ARHGAP32: variants seen among roughly 807,000 people sequenced by gnomAD.
The protein encoded by ARHGAP32 is Rho GTPase activating protein 32.
Under a neutral mutation model 186.5 loss-of-function variants are expected in ARHGAP32, and 51 were observed. The ratio of observed to expected loss-of-function variants is 0.27; its 90% CI spans 0.22 to 0.35. The LOEUF is 0.35. ARHGAP32 is among the 10% of genes least tolerant of loss of function. ARHGAP32 has a pLI of 1.00. For missense variants in ARHGAP32, 2,186 were observed against 2,623.5 expected (o/e 0.83, Z 3.64); for synonymous variants, 950 against 964.3 (o/e 0.99, Z 0.27).
chr11:129,064,957 ACT>A, intron 7 of ARHGAP32, 24 bp from the exon 8 acceptor site: 1 of 1,541,994 alleles, frequency 6.5e-7, no homozygotes, highest in Non-Finnish European at 8.8e-7. Context: ...GATCAGTGTA[ACT>A]CTGAGTAAAG....
intron 11 of ARHGAP32, among the ~76,000 whole-genome samples, chr11:129,003,501 C>T (rs1373130090): frequency 6.6e-6 from 1 of 152,086 alleles, no homozygotes; most frequent in African/African-American, 2.4e-5. Context: ...AGCAGTTAAG[C>T]CATTGAGTCC....
intron 5 of ARHGAP32, among the ~76,000 whole-genome samples, chr11:129,121,062 T>A (rs546683240): frequency 2.7e-3 from 405 of 152,222 alleles, no homozygotes; most frequent in African/African-American, 9.2e-3. Context: ...AATTTTTACC[T>A]ATGTAAAAAG....
At chr11:129,274,690 A>G (rs773489433) in intron 1 of ARHGAP32, among the ~76,000 whole-genome samples, 1 of 152,222 alleles carries the variant, frequency 6.6e-6, no homozygotes, top group Admixed American at 6.5e-5. Flanking sequence ...GATAATTTAA[A>G]TCAAATACTT....
intron 11 of ARHGAP32, among the ~76,000 whole-genome samples, chr11:129,026,515 G>A (rs1317286252): frequency 1.3e-5 from 2 of 152,132 alleles, no homozygotes; most frequent in East Asian, 1.9e-4. Flanking sequence ...CTTGAGTGGG[G>A]CTGGGCACAG....
At chr11:129,135,371 A>G (rs1043078207) in intron 2 of ARHGAP32, among the ~76,000 whole-genome samples, 4 of 152,230 alleles carry the variant, frequency 2.6e-5, no homozygotes, top group Non-Finnish European at 5.9e-5. Context: ...GCAGCCAACA[A>G]TATGGTTATC....
intron 10 of ARHGAP32, among the ~76,000 whole-genome samples, chr11:129,046,265 TGTG>T (rs1301592411): frequency 6.6e-6 from 1 of 152,188 alleles, no homozygotes; most frequent in Non-Finnish European, 1.5e-5. Flanking sequence ...AATGGTAAAA[TGTG>T]GTAAAATAAT....
rs543001119 is a variant in ARHGAP32, at chr11:129,093,607, A to G, written c.531+14T>C. 16 of 1,579,754 alleles carry G rather than the reference A, an allele frequency of 1.0e-5. No individual in the cohort carries two copies. Among genetic ancestry groups the G allele is most frequent in the Middle Eastern group, 1.7e-4 (1 of 6,016 alleles). ...TAACTTCATATGAAATGGAGAATAC[A>G]TTCACAAAATCACCTGACAAGCAAT... is the stretch of plus-strand genomic sequence containing the variant. On this transcript the variant is annotated intron_variant, in intron 6 of 22. Coordinates refer to ENST00000682385, the MANE Select transcript of ARHGAP32 (RefSeq NM_001378024.1).
At chr11:129,248,559 T>C (rs1945135192) in intron 1 of ARHGAP32, among the ~76,000 whole-genome samples, 1 of 152,218 alleles carries the variant, frequency 6.6e-6, no homozygotes, top group Non-Finnish European at 1.5e-5. Flanking sequence ...TTAAGCTAAC[T>C]AGGACATTTT....
At chr11:129,204,142 G>T (rs977349508) in intron 1 of ARHGAP32, among the ~76,000 whole-genome samples, 19 of 151,238 alleles carry the variant, frequency 1.3e-4, no homozygotes, top group Admixed American at 1.2e-3. Context: ...GAAGGCATCA[G>T]CTATATTACA....
Position 128,970,711 on chromosome 11 carries a change from C to T in ARHGAP32, c.4502G>A (p.Gly1501Asp). The change falls in exon 23 of 23, where the codon GGT (glycine) becomes GAT (aspartate). Residue 1501 changes from glycine to aspartate, a missense_variant. Around this residue, in one of 5 missense-constraint regions of ARHGAP32, gnomAD observed 1,502 missense variants for 1,570.0 expected, o/e 0.96. Coordinates refer to ENST00000682385, the MANE Select transcript of ARHGAP32 (RefSeq NM_001378024.1). The surrounding 1 kb of genome is among the most constrained non-coding windows in gnomAD (Gnocchi z 5.8). ...ATTGAAATGCAAACAGTTATCTGGA[C>T]CAAAGGGTTCAGTGGTGACATCGGG... is the stretch of plus-strand genomic sequence containing the variant. The part of the protein sequence containing the change: ...ARPDVTTEPF[G>D]PDNCLHFNMT... The T allele has an allele frequency of 6.2e-7, 1 of 1,614,068 alleles. No individual in the cohort carries two copies. Among genetic ancestry groups the T allele is most frequent in the South Asian group, 1.1e-5 (1 of 91,070 alleles).
chr11:128,970,895 C>T lies in ARHGAP32; in HGVS notation c.4318G>A (p.Ala1440Thr). 6.2e-7 allele frequency: 1 copy of T among 1,614,188 alleles called. No individual in the cohort carries two copies. Among genetic ancestry groups the T allele is most frequent in the Non-Finnish European group, 8.5e-7 (1 of 1,180,036 alleles). The change falls in exon 23 of 23, where the codon GCC (alanine) becomes ACC (threonine). Residue 1440 changes from alanine (A) to threonine (T), a missense_variant. Ala to Thr is a moderately conservative substitution (Grantham distance 58). This residue lies in a region of ARHGAP32 where 1,502 missense variants were observed against 1,570.0 expected (regional missense o/e 0.96). Transcript: ENST00000682385. The surrounding 1 kb of genome is among the most constrained non-coding windows in gnomAD (Gnocchi z 5.8). ...TRMMESKMIA[A>T]IHSSSADATS... Reference sequence around the variant, plus strand: ...GCATCTGCACTGCTGGAGTGTATGGCAGCAATCATCTTACTCTCCATCATC... The same window carrying T: ...GCATCTGCACTGCTGGAGTGTATGGTAGCAATCATCTTACTCTCCATCATC...
intron 5 of ARHGAP32, among the ~76,000 whole-genome samples, chr11:129,112,766 T>G (rs571441758): frequency 2.2e-4 from 33 of 152,132 alleles, no homozygotes; most frequent in Non-Finnish European, 4.0e-4. Context: ...CTTTACATTG[T>G]CAAAATATAA....
chr11:129,099,002 T>C (rs1941815237), intron 5 of ARHGAP32, among the ~76,000 whole-genome samples: 1 of 151,976 alleles, frequency 6.6e-6, no homozygotes, highest in African/African-American at 2.4e-5. Context: ...AATTTAAACA[T>C]TTCACAATAA....
chr11:128,993,696 C>CTT (rs113968109), intron 12 of ARHGAP32, among the ~76,000 whole-genome samples: 2 of 141,708 alleles, frequency 1.4e-5, no homozygotes, highest in African/African-American at 5.2e-5. Context: ...CATATGAAGT[C>CTT]TTTTTTTTTT....
At chr11:129,039,867 A>AGGTAACTAT (rs1482871370) in intron 11 of ARHGAP32, among the ~76,000 whole-genome samples, 7 of 152,356 alleles carry the variant, frequency 4.6e-5, no homozygotes, top group African/African-American at 1.7e-4. Flanking sequence ...ATTGCTTCAA[A>AGGTAACTAT]AAGAACTGAG....
rs1945190215 is a variant in ARHGAP32, at chr11:128,965,066, T to C, written c.*3841A>G. ...AAACACATACACAAAGCAGTCTGTTTTAACCTGAAATAATTCTGTTGATAT... is the reference window on the plus strand; with the variant it reads ...AAACACATACACAAAGCAGTCTGTTCTAACCTGAAATAATTCTGTTGATAT... On this transcript the variant is annotated 3_prime_UTR_variant, in exon 23 of 23. Transcript: ENST00000682385. The C allele has an allele frequency of 6.6e-6, 1 of 152,176 alleles. No homozygotes were observed. Among genetic ancestry groups the C allele is most frequent in the Non-Finnish European group, 1.5e-5 (1 of 68,022 alleles). 9.4% of individuals were successfully genotyped at this position (152,176 alleles called of 1,614,324 possible). A position where few individuals can be genotyped will look rare whatever the true frequency, so the allele number is the denominator to read the frequency against.
chr11:129,098,498 A>G (rs1468594020), intron 5 of ARHGAP32, among the ~76,000 whole-genome samples: 1 of 151,104 alleles, frequency 6.6e-6, no homozygotes, highest in East Asian at 1.9e-4. Context: ...GGCTCACTAC[A>G]AGCTCTGCCT....
At chr11:129,125,718 G>A (rs951558555) in intron 2 of ARHGAP32, among the ~76,000 whole-genome samples, 3 of 151,146 alleles carry the variant, frequency 2.0e-5, no homozygotes, top group Admixed American at 1.3e-4. Flanking sequence ...AAAGATATGA[G>A]GTAACAATGC....
At chr11:129,182,025 G>C (rs1164946137) in intron 1 of ARHGAP32, among the ~76,000 whole-genome samples, 1 of 152,082 alleles carries the variant, frequency 6.6e-6, no homozygotes, top group East Asian at 1.9e-4. Context: ...CTTCTTAGTA[G>C]GTTTACACAT....
Sources: allele counts gnomAD v4.1 joint callset (sites outside exome capture counted in the v4.1 genomes callset), GRCh38; gene constraint gnomAD v4.1.1; regional missense constraint gnomAD v4.1.1; non-coding constraint Gnocchi (gnomAD v3.1); transcripts MANE v1.5; gene names NCBI Gene and HGNC (gene_info 2026-07-23, HGNC 2026-07-21).